TCP11L2: variants seen among roughly 807,000 people sequenced by gnomAD.
TCP11L2 encodes the protein t-complex 11 like 2, also known as T-complex protein 11-like protein 2.
TCP11L2 carries 39 observed loss-of-function variants against 50.7 expected under a neutral mutation model. The observed-to-expected ratio is 0.77, with a 90% CI of 0.60 to 1.01. The LOEUF (loss-of-function observed/expected upper bound fraction) is 1.01, where lower values mean the gene tolerates loss of function less well. Ranked by LOEUF, TCP11L2 falls within the 50% of genes least tolerant of loss-of-function variation. The pLI, the probability that TCP11L2 is intolerant of heterozygous loss-of-function variation, is 0.00. For synonymous variants in TCP11L2, 192 were observed against 219.3 expected, an observed-to-expected ratio of 0.88 and a Z score of 1.10; for missense variants, 612 against 614.7, an observed-to-expected ratio of 1.00 and a Z score of 0.05.
chr12:106,306,463 T>C (rs1324951100), intron 1 of TCP11L2, among the ~76,000 whole-genome samples: 4 of 152,230 alleles, frequency 2.6e-5, no homozygotes, highest in South Asian at 2.1e-4. Flanking sequence ...ATATTTAACA[T>C]TGGATAACAG....
intron 2 of TCP11L2, chr12:106,312,407 C>A: frequency 8.1e-7 from 1 of 1,229,084 alleles, no homozygotes. Flanking sequence ...TCAGACCTGG[C>A]AAAAGAAATT....
chr12:106,315,353 C>T (rs1292688104), intron 3 of TCP11L2, among the ~76,000 whole-genome samples: 1 of 152,188 alleles, frequency 6.6e-6, no homozygotes, highest in Non-Finnish European at 1.5e-5. Flanking sequence ...CATTGGTGAA[C>T]CCCCTAGACT....
chr12:106,312,570 C>A (rs1402149065), intron 2 of TCP11L2: 2 of 355,420 alleles, frequency 5.6e-6, no homozygotes, highest in Non-Finnish European at 8.2e-6. Context: ...TTTCCCTGAT[C>A]CTCCTCCTCA....
intron 1 of TCP11L2, among the ~76,000 whole-genome samples, chr12:106,309,376 C>T (rs2034759935): frequency 6.6e-6 from 1 of 152,016 alleles, no homozygotes; most frequent in African/African-American, 2.4e-5. Flanking sequence ...AGGTGAGTGT[C>T]TCCACTCCAC....
intron 9 of TCP11L2, among the ~76,000 whole-genome samples, chr12:106,343,217 C>G (rs1047874380): frequency 6.6e-6 from 1 of 152,190 alleles, no homozygotes; most frequent in African/African-American, 2.4e-5. Flanking sequence ...AGAGGCAGAA[C>G]CACTTGCTGA....
Position 106,314,484 on chromosome 12 carries a change from C to A in TCP11L2, c.284C>A (p.Pro95Gln). ...TTTCAATTGAAACAAGAGGCTCTCC[C>A]AGAAAAGAGGTAACCTGGGGGCATT... is the stretch of plus-strand genomic sequence containing the variant. Reference protein sequence around the residue: ...ENFQLKQEALPEKSLAGRVKH... With the variant: ...ENFQLKQEALQEKSLAGRVKH... The change falls in exon 3 of 10, where the codon CCA (proline) becomes CAA (glutamine). Residue 95 changes from proline (P) to glutamine (Q), a missense_variant. By Grantham distance (76) the Pro-to-Gln change is moderately conservative. Transcript: ENST00000299045. 6.2e-7 allele frequency: 1 copy of A among 1,611,654 alleles called. No individual in the cohort carries two copies. The highest frequency in any genetic ancestry group is 1.1e-5 in the South Asian group (1 of 91,042).
At chr12:106,311,879 T>C (rs2034865868) in intron 2 of TCP11L2, among the ~76,000 whole-genome samples, 1 of 152,172 alleles carries the variant, frequency 6.6e-6, no homozygotes, top group South Asian at 2.1e-4. Context: ...CAGCTTTAAC[T>C]GGCAAAGCAA....
At chr12:106,310,203 C>G (rs1329507352) in intron 1 of TCP11L2, among the ~76,000 whole-genome samples, 1 of 152,180 alleles carries the variant, frequency 6.6e-6, no homozygotes, top group Non-Finnish European at 1.5e-5. Flanking sequence ...GACATAGACA[C>G]CAAGGGACTG....
intron 8 of TCP11L2, among the ~76,000 whole-genome samples, chr12:106,340,053 C>A (rs751828811): frequency 6.6e-6 from 1 of 152,212 alleles, no homozygotes; most frequent in African/African-American, 2.4e-5. Flanking sequence ...TGTTCCAACT[C>A]GCTCCGTTAT....
chr12:106,340,792 T>C, intron 8 of TCP11L2, 34 bp from the exon 9 acceptor site: 1 of 1,543,824 alleles, frequency 6.5e-7, no homozygotes, highest in Admixed American at 2.2e-5. Flanking sequence ...GAACAAAAAC[T>C]TTCCCTGGTG....
rs1425999544 is a variant in TCP11L2, at chr12:106,346,712, C to A, written c.*182C>A. 3.2e-6 allele frequency: 2 copies of A among 620,722 alleles called. No homozygotes were observed. Among genetic ancestry groups the A allele is most frequent in the Non-Finnish European group, 5.1e-6 (2 of 388,970 alleles). The allele number at this position is 620,722 out of a possible 1,614,324, so 38.5% of individuals were successfully genotyped here. ...ACACATCACATAGACCCTCAGAAGA[C>A]GTAAACATCACATAGACCCTATTTG... On this transcript the variant is annotated 3_prime_UTR_variant, in exon 10 of 10. Coordinates refer to ENST00000299045, the MANE Select transcript of TCP11L2 (RefSeq NM_152772.3).
rs755466014 is a variant in TCP11L2 at position 106,321,692 on chromosome 12, C to T, written c.621C>T (p.Ile207=). The change falls in exon 5 of 10, where the codon ATC becomes ATT. Residue 207 remains isoleucine (I), a synonymous_variant. Coordinates refer to ENST00000299045, the MANE Select transcript of TCP11L2 (RefSeq NM_152772.3). ...DIRELKATGN[I]VEVLRQIFHV... ...GAGAGTTAAAGGCTACTGGCAACAT[C>T]GTGGAGGTGCTGAGGTTAGCACTTT... The T allele has an allele frequency of 2.8e-5, 45 of 1,613,918 alleles. No homozygotes were observed. The highest frequency in any genetic ancestry group is 3.6e-5 in the Non-Finnish European group (42 of 1,179,980).
chr12:106,340,886 C>A lies in TCP11L2; in HGVS notation c.1203C>A (p.Asn401Lys). 1.2e-6 allele frequency: 2 copies of A among 1,613,610 alleles called. No homozygotes were observed. The highest frequency in any genetic ancestry group is 1.7e-6 in the Non-Finnish European group (2 of 1,179,760). ...GTATTCAGACTTGTGTTGAGGTTAA[C>A]AAGACCCTGATGGAAAGAGGTTTAC... is the stretch of plus-strand genomic sequence containing the variant. Reference protein sequence around the residue: ...SIGIQTCVEVNKTLMERGLPT... With the variant: ...SIGIQTCVEVKKTLMERGLPT... Residue 401 changes from asparagine (N) to lysine (K), a missense_variant, in exon 9 of 10, where the codon AAC becomes AAA. By Grantham distance (94) the Asn-to-Lys change is moderately conservative (BLOSUM62 0). Coordinates refer to ENST00000299045, the MANE Select transcript of TCP11L2 (RefSeq NM_152772.3).
chr12:106,309,357 T>C (rs906370351), intron 1 of TCP11L2, among the ~76,000 whole-genome samples: 2 of 152,114 alleles, frequency 1.3e-5, no homozygotes, highest in African/African-American at 2.4e-5. Flanking sequence ...GCTTTGGGAT[T>C]CTGGGATAAG....
intron 6 of TCP11L2, among the ~76,000 whole-genome samples, chr12:106,330,990 A>AT (rs1390274947): frequency 1.3e-5 from 2 of 152,210 alleles, no homozygotes; most frequent in Non-Finnish European, 2.9e-5. Flanking sequence ...AGTGATACAT[A>AT]TTTTTTATCC....
chr12:106,311,892 G>T (rs2034866182), intron 2 of TCP11L2, among the ~76,000 whole-genome samples: 1 of 151,948 alleles, frequency 6.6e-6, no homozygotes, highest in Non-Finnish European at 1.5e-5. Context: ...CAAAGCAAAT[G>T]CAGGAAAAAG....
intron 6 of TCP11L2, chr12:106,330,374 C>A (rs1177976623): frequency 5.5e-6 from 5 of 916,850 alleles, no homozygotes; most frequent in African/African-American, 1.8e-5. Flanking sequence ...TTTGCCACTG[C>A]CCCCGCCCCA....
intron 2 of TCP11L2, among the ~76,000 whole-genome samples, chr12:106,311,450 G>A (rs955679800): frequency 6.6e-6 from 1 of 152,128 alleles, no homozygotes; most frequent in Non-Finnish European, 1.5e-5. Context: ...CACTGCTTCC[G>A]ATCTGTTTCG....
intron 9 of TCP11L2, among the ~76,000 whole-genome samples, chr12:106,344,839 T>C (rs893976482): frequency 2.6e-5 from 4 of 152,218 alleles, no homozygotes; most frequent in African/African-American, 7.2e-5. Context: ...GATTTCCATA[T>C]GCATTTCTAT....
Sources: gnomAD v4.1 joint callset for allele counts (sites outside exome capture counted in the v4.1 genomes callset) on GRCh38, gnomAD v4.1.1 for gene constraint, MANE v1.5 for transcripts, NCBI Gene and HGNC (gene_info 2026-07-23, HGNC 2026-07-21) for gene names.